Variants in RFTN1 observed in about 807,000 individuals in gnomAD.
RFTN1 encodes raftlin.
A neutral mutation model predicts 46.5 loss-of-function variants in RFTN1; 26 were observed. That is an observed-to-expected ratio of 0.56 (90% CI 0.41 to 0.78). The LOEUF (loss-of-function observed/expected upper bound fraction) is 0.78, where lower values mean the gene tolerates loss of function less well. Ranked by LOEUF, RFTN1 falls within the 30% of genes least tolerant of loss-of-function variation. The pLI, the probability that RFTN1 is intolerant of heterozygous loss-of-function variation, is 0.00. For synonymous variants in RFTN1, 261 were observed against 284.2 expected (o/e 0.92, Z 0.82); for missense variants, 693 against 718.7 (o/e 0.96, Z 0.41).
chr3:16,482,854 G>C, intron 2 of RFTN1: 1 of 1,535,408 alleles, frequency 6.5e-7, no homozygotes, highest in Non-Finnish European at 8.7e-7. Context: ...TGAAGATGAA[G>C]GACTGTACGA....
Position 16,465,657 on chromosome 3 carries a change from A to G in RFTN1, c.145+28068T>C, listed in dbSNP as rs2076078290. ...CCCATGTCAATTACGGATGCTAAAAATTTCAGAATTATAAGATCACCAAAA... is the reference window on the plus strand; with the variant it reads ...CCCATGTCAATTACGGATGCTAAAAGTTTCAGAATTATAAGATCACCAAAA... On this transcript the variant is annotated intron_variant, in intron 2 of 9. Transcript: ENST00000334133. The surrounding 1 kb of genome is among the most constrained non-coding windows in gnomAD (Gnocchi z 5.1). Among the ~76,000 whole-genome samples, 1 of 152,152 alleles carries G rather than the reference A, an allele frequency of 6.6e-6. No homozygotes were observed. The highest frequency in any genetic ancestry group is 2.4e-5 in the African/African-American group (1 of 41,424).
chr3:16,437,491 T>C (rs1470981144), intron 2 of RFTN1, among the ~76,000 whole-genome samples: 1 of 151,986 alleles, frequency 6.6e-6, no homozygotes, highest in Non-Finnish European at 1.5e-5. Flanking sequence ...AAACTCCATC[T>C]GTACAAAAAA....
rs2074960285 is a variant in RFTN1, at chr3:16,410,371, G to A, written c.333-888C>T. Among the ~76,000 whole-genome samples the A allele has an allele frequency of 6.6e-6, 1 of 152,046 alleles. No individual in the cohort carries two copies. Among genetic ancestry groups the A allele is most frequent in the East Asian group, 1.9e-4 (1 of 5,180 alleles). ...ATAATAGCAGGTACCCCTGGGGAAT[G>A]GGGAAGGCTTATGTGGATGGGGATG... On this transcript the variant is annotated intron_variant, in intron 3 of 9. Transcript: ENST00000334133. The surrounding 1 kb of genome is among the most constrained non-coding windows in gnomAD (Gnocchi z 4.6).
intron 4 of RFTN1, among the ~76,000 whole-genome samples, chr3:16,403,480 G>A (rs943891785): frequency 6.9e-6 from 1 of 144,128 alleles, no homozygotes; most frequent in Non-Finnish European, 1.5e-5. Flanking sequence ...CCTCTGCAGA[G>A]TAAAATCTTA....
At position 16,480,998 on chromosome 3, in the gene RFTN1, G is replaced by GACACACAC. The variant is rs34945684; in HGVS notation, c.145+12719_145+12726dup. ...ATATGCACATGCACACACACACACAGACACACACACACACACACACACACA... is the reference window on the plus strand; with the variant it reads ...ATATGCACATGCACACACACACACAGACACACACACACACACACACACACACACACACA... On this transcript the variant is annotated intron_variant, in intron 2 of 9. Coordinates refer to ENST00000334133, the MANE Select transcript of RFTN1 (RefSeq NM_015150.2). This position sits in a 1 kb window ranked among gnomAD's most constrained non-coding sequence, Gnocchi z 4.3. Among the ~76,000 whole-genome samples the GACACACAC allele has an allele frequency of 3.8e-3, 556 of 145,876 alleles. 6 individuals are homozygous for GACACACAC. The highest frequency in any genetic ancestry group is 9.7e-3 in the South Asian group (43 of 4,424).
chr3:16,346,592 T>C lies in RFTN1; in HGVS notation c.1146+11340A>G, dbSNP rs2071736022. Among the ~76,000 whole-genome samples, 1 of 152,126 alleles carries C rather than the reference T, an allele frequency of 6.6e-6. No individual in the cohort carries two copies. The highest frequency in any genetic ancestry group is 2.4e-5 in the African/African-American group (1 of 41,434). On this transcript the variant is annotated intron_variant, in intron 7 of 9. Coordinates refer to ENST00000334133, the MANE Select transcript of RFTN1 (RefSeq NM_015150.2). This position sits in a 1 kb window ranked among gnomAD's most constrained non-coding sequence, Gnocchi z 4.4. ...CGATGGCCCAGGGCTTCTTCCTCACTGACACCCCCCAGGCCTGGACAACCA... is the reference window on the plus strand; with the variant it reads ...CGATGGCCCAGGGCTTCTTCCTCACCGACACCCCCCAGGCCTGGACAACCA...
At chr3:16,416,165 T>G (rs1178726060) in intron 3 of RFTN1, 2 of 456,044 alleles carry the variant, frequency 4.4e-6, no homozygotes, top group East Asian at 7.0e-5. Flanking sequence ...AGGAATTTTC[T>G]GAAAGGAGTG....
chr3:16,475,480 CA>C lies in RFTN1; in HGVS notation c.145+18244del, dbSNP rs1406135530. On this transcript the variant is annotated intron_variant, in intron 2 of 9. Transcript: ENST00000334133. The surrounding 1 kb of genome is among the most constrained non-coding windows in gnomAD (Gnocchi z 4.2). ...TGGCTATTTTAGACTACCAATGCCACAGAAACAAAAGGCAAAGAAGGCAATT... is the reference window on the plus strand; with the variant it reads ...TGGCTATTTTAGACTACCAATGCCACGAAACAAAAGGCAAAGAAGGCAATT... 6.6e-6 allele frequency among the ~76,000 whole-genome samples: 1 copy of C among 152,142 alleles called. No homozygotes were observed. The highest frequency in any genetic ancestry group is 2.4e-5 in the African/African-American group (1 of 41,408).
At chr3:16,485,617 A>G (rs1052320278) in intron 2 of RFTN1, among the ~76,000 whole-genome samples, 2 of 152,266 alleles carry the variant, frequency 1.3e-5, no homozygotes, top group African/African-American at 4.8e-5. Flanking sequence ...ACAGCAGATC[A>G]GCAGTTGGCT....
intron 8 of RFTN1, among the ~76,000 whole-genome samples, chr3:16,324,687 T>TGTGTGTGTGTGTGTG (rs2069514323): frequency 1.7e-5 from 2 of 118,212 alleles, no homozygotes; most frequent in Admixed American, 8.7e-5. Flanking sequence ...TGTGTGTGTA[T>TGTGTGTGTGTGTGTG]TTTATATATA....
At position 16,321,600 on chromosome 3, in the gene RFTN1, G is replaced by T. The variant is rs564563399; in HGVS notation, c.1332+1776C>A. Among the ~76,000 whole-genome samples, 3 of 152,288 alleles carry T rather than the reference G, an allele frequency of 2.0e-5. No homozygotes were observed. The highest frequency in any genetic ancestry group is 2.9e-5 in the Non-Finnish European group (2 of 68,010). ...TCTGGCTGTGAAGCCCCCCTCTCTG[G>T]AGGACTCCCATCTGTGAGGTGACCC... On this transcript the variant is annotated intron_variant, in intron 9 of 9. Transcript: ENST00000334133. The surrounding 1 kb of genome is among the most constrained non-coding windows in gnomAD (Gnocchi z 4.8).
chr3:16,379,945 G>A (rs553719338), intron 4 of RFTN1, among the ~76,000 whole-genome samples: 1 of 152,348 alleles, frequency 6.6e-6, no homozygotes, highest in East Asian at 1.9e-4. Context: ...TATGCCAAAA[G>A]AGAAAGGCAA....
rs1402577494 is a variant in RFTN1 at position 16,376,853 on chromosome 3, T to A, written c.826+865A>T. Among the ~76,000 whole-genome samples the A allele has an allele frequency of 6.6e-6, 1 of 152,190 alleles. No homozygotes were observed. The highest frequency in any genetic ancestry group is 6.5e-5 in the Admixed American group (1 of 15,280). On this transcript the variant is annotated intron_variant, in intron 5 of 9. Coordinates refer to ENST00000334133, the MANE Select transcript of RFTN1 (RefSeq NM_015150.2). This position sits in a 1 kb window ranked among gnomAD's most constrained non-coding sequence, Gnocchi z 4.7. ...TTTCCCTTCTGGAAGCACCACCTGT[T>A]CATTATCACTTGTAAGAGGCTAAAT...
chr3:16,338,373 C>T lies in RFTN1; in HGVS notation c.1147-11497G>A, dbSNP rs370789752. ...GCGATGGCTGGGGCCAACTCTGACC[C>T]GTAGCAGGGACAGGCACTGCAGTTC... is the stretch of plus-strand genomic sequence containing the variant. On this transcript the variant is annotated intron_variant, in intron 7 of 9. Coordinates refer to ENST00000334133, the MANE Select transcript of RFTN1 (RefSeq NM_015150.2). The surrounding 1 kb of genome is among the most constrained non-coding windows in gnomAD (Gnocchi z 5.3). Among the ~76,000 whole-genome samples the T allele has an allele frequency of 4.4e-4, 67 of 152,316 alleles. No homozygotes were observed. The highest frequency in any genetic ancestry group is 1.4e-3 in the African/African-American group (57 of 41,576).
At chr3:16,469,908 C>T (rs1367333683) in intron 2 of RFTN1, among the ~76,000 whole-genome samples, 1 of 152,192 alleles carries the variant, frequency 6.6e-6, no homozygotes, top group Non-Finnish European at 1.5e-5. Flanking sequence ...CCCAGCCGCT[C>T]CAGATATGTT....
In RFTN1 at chr3:16,418,222, G is replaced by A. The variant is rs2075120696; in HGVS notation, c.333-8739C>T. Among the ~76,000 whole-genome samples, 1 of 152,136 alleles carries A rather than the reference G, an allele frequency of 6.6e-6. No homozygotes were observed. Among genetic ancestry groups the A allele is most frequent in the African/African-American group, 2.4e-5 (1 of 41,440 alleles). On this transcript the variant is annotated intron_variant, in intron 3 of 9. Coordinates refer to ENST00000334133, the MANE Select transcript of RFTN1 (RefSeq NM_015150.2). The surrounding 1 kb of genome is among the most constrained non-coding windows in gnomAD (Gnocchi z 5.0). ...AATATGCATTTTGGTCTCATGGGAA[G>A]ATCTAAAATGAGGCCACTAAAAAAC...
chr3:16,408,428 A>C lies in RFTN1; in HGVS notation c.441+947T>G, dbSNP rs532456806. On this transcript the variant is annotated intron_variant, in intron 4 of 9. Transcript: ENST00000334133. The stretch of plus-strand genomic sequence containing the variant: ...ACAAATTCCCTAATTGGCTGATTGG[A>C]CCTCAAATCACAATCACCTGTATGG... 3.3e-5 allele frequency among the ~76,000 whole-genome samples: 5 copies of C among 151,998 alleles called. No individual in the cohort carries two copies. The South Asian group carries it at 8.3e-4, about 25-fold the overall frequency.
chr3:16,510,445 C>T (rs2076878617), intron 1 of RFTN1, among the ~76,000 whole-genome samples: 1 of 152,210 alleles, frequency 6.6e-6, no homozygotes, highest in South Asian at 2.1e-4. Flanking sequence ...CTCTGAAAAT[C>T]TCTAAAAATA....
In RFTN1 at chr3:16,446,045, C is replaced by T. The variant is rs1285895915; in HGVS notation, c.146-12008G>A. Among the ~76,000 whole-genome samples the T allele has an allele frequency of 6.6e-6, 1 of 151,994 alleles. No individual in the cohort carries two copies. Among genetic ancestry groups the T allele is most frequent in the Non-Finnish European group, 1.5e-5 (1 of 68,024 alleles). On this transcript the variant is annotated intron_variant, in intron 2 of 9. Transcript: ENST00000334133. The surrounding 1 kb of genome is among the most constrained non-coding windows in gnomAD (Gnocchi z 4.5). Reference sequence around the variant, plus strand: ...CTGGAGAAGGCTCATTAGCAGCTGTCATTAAATGAAGAAATTCTCCTCTGA... The same window carrying T: ...CTGGAGAAGGCTCATTAGCAGCTGTTATTAAATGAAGAAATTCTCCTCTGA...
Sources: allele counts gnomAD v4.1 joint callset (sites outside exome capture counted in the v4.1 genomes callset), GRCh38; gene constraint gnomAD v4.1.1; non-coding constraint Gnocchi (gnomAD v3.1); transcripts MANE v1.5; gene names NCBI Gene and HGNC (gene_info 2026-07-23, HGNC 2026-07-21).